The following TPX2 variants were observed in gnomAD, a reference collection of about 807,000 sequenced individuals.
TPX2 encodes the protein TPX2 microtubule nucleation factor, also known as targeting protein for Xklp2.
TPX2 carries 21 observed loss-of-function variants against 93.6 expected under a neutral mutation model. The observed-to-expected ratio is 0.22, with a 90% CI of 0.16 to 0.32. The LOEUF is 0.32. Ranked by LOEUF, TPX2 falls within the 10% of genes least tolerant of loss-of-function variation. The pLI, the probability that TPX2 is intolerant of heterozygous loss-of-function variation, is 1.00. For synonymous variants in TPX2, 281 were observed against 298.3 expected (o/e 0.94, Z 0.60); for missense variants, 776 against 871.1 (o/e 0.89, Z 1.37).
In TPX2 at chr20:31,797,390, T is replaced by C. The variant is rs977665988; in HGVS notation, c.1834-14T>C. On this transcript the variant is annotated splice_polypyrimidine_tract_variant and intron_variant, in intron 15 of 17. Transcript: ENST00000300403. The stretch of plus-strand genomic sequence containing the variant: ...GTGAGACATTGCTCATCTGACTGAC[T>C]TTCTCTCTAATAGCTGGAAGAAGAA... 6.2e-7 allele frequency: 1 copy of C among 1,613,748 alleles called. No individual in the cohort carries two copies. The highest frequency in any genetic ancestry group is 1.7e-5 in the Admixed American group (1 of 59,984).
At chr20:31,750,475 T>TTTA (rs1233845812) in intron 2 of TPX2, among the ~76,000 whole-genome samples, 3 of 151,058 alleles carry the variant, frequency 2.0e-5, no homozygotes, top group Non-Finnish European at 4.4e-5. Context: ...TATTTATTTA[T>TTTA]TTATTTATTT....
chr20:31,782,570 A>G (rs1020487894), intron 11 of TPX2, among the ~76,000 whole-genome samples, 180 bp downstream of exon 11: 1 of 151,990 alleles, frequency 6.6e-6, no homozygotes, highest in Non-Finnish European at 1.5e-5. Context: ...GAATATGGAG[A>G]TGTTCTGGAG....
At chr20:31,766,749 A>G (rs2061929663) in intron 5 of TPX2, 67 bp downstream of exon 5, 1 of 1,540,348 alleles carries the variant, frequency 6.5e-7, no homozygotes, top group Non-Finnish European at 8.8e-7. Flanking sequence ...ACTGGACAGA[A>G]CATCTATTAT....
At chr20:31,778,686 C>A in intron 9 of TPX2, 127 bp from the exon 10 acceptor site, 1 of 862,876 alleles carries the variant, frequency 1.2e-6, no homozygotes, top group Non-Finnish European at 1.7e-6. Context: ...GACTGACAAA[C>A]TTCAGAATAA....
chr20:31,786,266 T>TTA (rs1223753839), intron 12 of TPX2, among the ~76,000 whole-genome samples: 1 of 152,006 alleles, frequency 6.6e-6, no homozygotes, highest in Non-Finnish European at 1.5e-5. Flanking sequence ...GTCCATGCTG[T>TTA]TATATAAAAA....
Position 31,783,749 on chromosome 20 carries a change from G to A in TPX2, c.1241G>A (p.Gly414Asp). 6.2e-7 allele frequency: 1 copy of A among 1,612,838 alleles called. No homozygotes were observed. Among genetic ancestry groups the A allele is most frequent in the South Asian group, 1.1e-5 (1 of 90,798 alleles). ...ARELDPRILE[G>D]GPILPKKPPV... The stretch of plus-strand genomic sequence containing the variant: ...GAACTTGATCCCAGAATACTTGAAG[G>A]TGGGCCCATCTTGCCCAAGAAACCA... Residue 414 changes from glycine (G) to aspartate (D), a missense_variant, in exon 12 of 18, where the codon GGT becomes GAT. Gly to Asp is a moderately conservative substitution (Grantham distance 94, BLOSUM62 -1). Transcript: ENST00000300403.
Position 31,788,493 on chromosome 20 carries a change from C to T in TPX2, c.1414-4242C>T, listed in dbSNP as rs564564084. ...ACAGCAGAATTTAAGAGCCCACCTT[C>T]CAGAGCCTGATGCAGCTTGTCTGTC... On this transcript the variant is annotated intron_variant, in intron 12 of 17. Transcript: ENST00000300403. Among the ~76,000 whole-genome samples, 384 of 151,914 alleles carry T rather than the reference C, an allele frequency of 2.5e-3. 1 individual carries two copies. The highest frequency in any genetic ancestry group is 8.1e-3 in the African/African-American group (335 of 41,408).
intron 12 of TPX2, among the ~76,000 whole-genome samples, chr20:31,790,873 CTG>C (rs1367414625): frequency 6.6e-6 from 1 of 152,118 alleles, no homozygotes; most frequent in Admixed American, 6.6e-5. Flanking sequence ...TTTGTATGGA[CTG>C]TGATAAAACC....
Position 31,766,552 on chromosome 20 carries a change from G to A in TPX2, c.230-4G>A, listed in dbSNP as rs756287337. 31 of 1,602,896 alleles carry A rather than the reference G, an allele frequency of 1.9e-5. No homozygotes were observed. The highest frequency in any genetic ancestry group is 1.7e-4 in the Middle Eastern group (1 of 5,988). Reference sequence around the variant, plus strand: ...AGTGCTGACTAGCTTTTGGTCTTCCGCAGTTGACAACACTTACTACAAAGA... The same window carrying A: ...AGTGCTGACTAGCTTTTGGTCTTCCACAGTTGACAACACTTACTACAAAGA... On this transcript the variant is annotated splice_polypyrimidine_tract_variant and splice_region_variant and intron_variant, in intron 4 of 17. Coordinates refer to ENST00000300403, the MANE Select transcript of TPX2 (RefSeq NM_012112.5).
intron 4 of TPX2, among the ~76,000 whole-genome samples, chr20:31,761,077 G>A (rs985928463): frequency 1.5e-4 from 23 of 152,158 alleles, no homozygotes; most frequent in Admixed American, 5.9e-4. Flanking sequence ...ACAGAGTTGT[G>A]CAACCATCAT....
At chr20:31,772,800 A>G (rs898454277) in intron 7 of TPX2, among the ~76,000 whole-genome samples, 1 of 152,086 alleles carries the variant, frequency 6.6e-6, no homozygotes, top group Non-Finnish European at 1.5e-5. Context: ...CCAGCTTTTC[A>G]TGATTATAAG....
intron 8 of TPX2, among the ~76,000 whole-genome samples, chr20:31,776,597 C>T (rs1600380361): frequency 6.6e-6 from 1 of 151,556 alleles, no homozygotes; most frequent in African/African-American, 2.4e-5. Flanking sequence ...GTGATCTCCG[C>T]TCAACACAAC....
At chr20:31,796,647 C>T (rs2062140551) in intron 15 of TPX2, among the ~76,000 whole-genome samples, 1 of 150,712 alleles carries the variant, frequency 6.6e-6, no homozygotes, top group Non-Finnish European at 1.5e-5. Context: ...TCCTCTGTTG[C>T]TTGTATTTCC....
chr20:31,742,779 A>G (rs2061760409), intron 2 of TPX2, 132 bp downstream of exon 2: 1 of 152,258 alleles, frequency 6.6e-6, no homozygotes, highest in Non-Finnish European at 1.5e-5. Context: ...CAAAAAGAAA[A>G]TAAAATCACC....
chr20:31,759,664 C>T (rs1452172690), intron 3 of TPX2, among the ~76,000 whole-genome samples: 2 of 152,008 alleles, frequency 1.3e-5, no homozygotes, highest in African/African-American at 4.8e-5. Flanking sequence ...TCCCAAAGTG[C>T]TGGGATTACA....
chr20:31,752,025 G>A (rs2061823400), intron 2 of TPX2, among the ~76,000 whole-genome samples: 1 of 152,200 alleles, frequency 6.6e-6, no homozygotes, highest in Admixed American at 6.5e-5. Flanking sequence ...TTACAGGTGT[G>A]AGCTACCGTG....
Position 31,801,037 on chromosome 20 carries a change from C to G in TPX2, c.2201C>G (p.Thr734Ser), listed in dbSNP as rs1173439744. Reference protein sequence around the residue: ...LEIKSSDQPLTVPVSPKFSTR... With the variant: ...LEIKSSDQPLSVPVSPKFSTR... ...ATAAAGTCAAGTGACCAGCCTCTGACTGTGCCTGTATCTCCCAAATTCTCC... is the reference window on the plus strand; with the variant it reads ...ATAAAGTCAAGTGACCAGCCTCTGAGTGTGCCTGTATCTCCCAAATTCTCC... Residue 734 changes from threonine (T) to serine (S), a missense_variant, in exon 18 of 18, where the codon ACT becomes AGT. Coordinates refer to ENST00000300403, the MANE Select transcript of TPX2 (RefSeq NM_012112.5). 1 of 1,614,112 alleles carries G rather than the reference C, an allele frequency of 6.2e-7. No homozygotes were observed. Among genetic ancestry groups the G allele is most frequent in the Non-Finnish European group, 8.5e-7 (1 of 1,180,048 alleles).
chr20:31,762,133 C>G (rs1003308513), intron 4 of TPX2, among the ~76,000 whole-genome samples: 6 of 152,050 alleles, frequency 3.9e-5, no homozygotes, highest in African/African-American at 1.4e-4. Context: ...GGATATTAGT[C>G]CCTTCTTGAA....
intron 9 of TPX2, among the ~76,000 whole-genome samples, chr20:31,778,184 G>T (rs564937036): frequency 6.6e-6 from 1 of 152,292 alleles, no homozygotes; most frequent in East Asian, 1.9e-4. Context: ...AAGTAAAAAT[G>T]CTAGTACTAA....
Sources: allele counts gnomAD v4.1 joint callset (sites outside exome capture counted in the v4.1 genomes callset), GRCh38; gene constraint gnomAD v4.1.1; transcripts MANE v1.5; gene names NCBI Gene and HGNC (gene_info 2026-07-23, HGNC 2026-07-21).